The following SIMC1 variants were observed in gnomAD, a reference collection of about 807,000 sequenced individuals.
The protein encoded by SIMC1 is SUMO interacting motifs containing 1.
In SIMC1, 55 loss-of-function variants were observed where a neutral mutation model predicts 82.3. That is an observed-to-expected ratio of 0.67 (90% CI 0.54 to 0.84). The LOEUF (loss-of-function observed/expected upper bound fraction) is 0.84. SIMC1 is among the 40% of genes least tolerant of loss of function. The probability of loss-of-function intolerance (pLI) is 0.00; values close to 1 mark genes in which losing one functional copy is unlikely to be tolerated. For synonymous variants in SIMC1, 353 were observed against 426.3 expected, an observed-to-expected ratio of 0.83 and a Z score of 2.12; for missense variants, 915 against 1,107.2, an observed-to-expected ratio of 0.83 and a Z score of 2.46.
At chr5:176,261,328 G>A (rs557346073) in intron 1 of SIMC1, among the ~76,000 whole-genome samples, 1 of 152,276 alleles carries the variant, frequency 6.6e-6, no homozygotes, top group South Asian at 2.1e-4. Context: ...TTCAAATGAA[G>A]TTATGAATCA....
intron 4 of SIMC1, among the ~76,000 whole-genome samples, chr5:176,306,499 A>C (rs1486244668): frequency 2.7e-5 from 4 of 146,332 alleles, no homozygotes; most frequent in Non-Finnish European, 6.1e-5. Flanking sequence ...AAGATTGAGA[A>C]ATCGGATGGT....
chr5:176,264,919 A>G (rs7736390), intron 1 of SIMC1, among the ~76,000 whole-genome samples: 17,790 of 152,202 alleles, frequency 0.12, 1,101 homozygotes, highest in Admixed American at 0.15. Flanking sequence ...CTATAATCCC[A>G]GCACTTTGGG....
chr5:176,255,138 T>G (rs1761806011), intron 1 of SIMC1, among the ~76,000 whole-genome samples: 1 of 151,322 alleles, frequency 6.6e-6, no homozygotes, highest in Non-Finnish European at 1.5e-5. Flanking sequence ...TTAGCCAGCA[T>G]GGTGGTGGGC....
At chr5:176,265,678 C>T (rs1762180815) in intron 1 of SIMC1, among the ~76,000 whole-genome samples, 1 of 152,116 alleles carries the variant, frequency 6.6e-6, no homozygotes, top group Non-Finnish European at 1.5e-5. Context: ...CTGTGTTTCT[C>T]CTCCCTCTGG....
At position 176,322,370 on chromosome 5, in the gene SIMC1, G is replaced by A; in HGVS notation, c.1987G>A (p.Ala663Thr). The change falls in exon 6 of 10, where the codon GCC becomes ACC. Residue 663 changes from alanine to threonine, a missense_variant. Ala to Thr is a moderately conservative substitution (Grantham distance 58). Coordinates refer to ENST00000429602, the MANE Select transcript of SIMC1 (RefSeq NM_001308195.2). Reference sequence around the variant, plus strand: ...GTCTTCAGGAACAGGAATCTTGAAAGCCAGCAGTAGCCACCCTTCTTCCCA... The same window carrying A: ...GTCTTCAGGAACAGGAATCTTGAAAACCAGCAGTAGCCACCCTTCTTCCCA... ...QTSSGTGILK[A>T]SSSHPSSQPN... The A allele has an allele frequency of 6.2e-7, 1 of 1,606,698 alleles. No individual in the cohort carries two copies. The highest frequency in any genetic ancestry group is 8.5e-7 in the Non-Finnish European group (1 of 1,176,682).
intron 1 of SIMC1, among the ~76,000 whole-genome samples, chr5:176,258,560 G>T (rs1761920124): frequency 1.3e-5 from 2 of 150,670 alleles, no homozygotes; most frequent in African/African-American, 2.4e-5. Flanking sequence ...ACTCACGAGA[G>T]TTTTTTAATA....
intron 7 of SIMC1, among the ~76,000 whole-genome samples, chr5:176,333,260 C>T (rs1252135421): frequency 6.6e-6 from 1 of 151,866 alleles, no homozygotes; most frequent in African/African-American, 2.4e-5. Context: ...GCCAAGATTG[C>T]ACCACTGCAC....
At chr5:176,316,355 T>C (rs1249893283) in intron 5 of SIMC1, among the ~76,000 whole-genome samples, 1 of 151,776 alleles carries the variant, frequency 6.6e-6, no homozygotes, top group East Asian at 1.9e-4. Flanking sequence ...GTACGGGGTA[T>C]GACTCTTGGG....
chr5:176,342,578 C>T (rs571167185), intron 9 of SIMC1, among the ~76,000 whole-genome samples: 2 of 152,278 alleles, frequency 1.3e-5, no homozygotes, highest in South Asian at 2.1e-4. Flanking sequence ...CTTCTTGCTG[C>T]GTCTTACCAC....
intron 4 of SIMC1, among the ~76,000 whole-genome samples, chr5:176,309,238 A>C (rs1014529758): frequency 1.3e-5 from 2 of 152,238 alleles, no homozygotes; most frequent in Non-Finnish European, 2.9e-5. Flanking sequence ...TGCTCAACTG[A>C]TTTTGAAAAA....
At chr5:176,283,422 C>T (rs1046993618) in intron 1 of SIMC1, among the ~76,000 whole-genome samples, 10 of 152,146 alleles carry the variant, frequency 6.6e-5, no homozygotes, top group African/African-American at 1.9e-4. Context: ...TCCAGCCAAA[C>T]GAAGCTTCAT....
chr5:176,275,168 G>C (rs1188813971), intron 1 of SIMC1, among the ~76,000 whole-genome samples: 1 of 151,496 alleles, frequency 6.6e-6, no homozygotes, highest in Non-Finnish European at 1.5e-5. Flanking sequence ...GTGGTTTGTA[G>C]TTCTCCTTGA....
At chr5:176,329,716 GAGATAT>G (rs1765551858) in intron 7 of SIMC1, among the ~76,000 whole-genome samples, 2 of 152,076 alleles carry the variant, frequency 1.3e-5, no homozygotes, top group South Asian at 2.1e-4. Context: ...CTTTTTCGCA[GAGATAT>G]AGATATACAA....
At chr5:176,332,376 C>T (rs575824421) in intron 7 of SIMC1, among the ~76,000 whole-genome samples, 5 of 152,258 alleles carry the variant, frequency 3.3e-5, no homozygotes, top group South Asian at 2.1e-4. Flanking sequence ...CCACAACCTC[C>T]GCCTCCCGGG....
Position 176,266,113 on chromosome 5 carries a change from G to A in SIMC1, c.130-23541G>A, listed in dbSNP as rs1350626292. Among the ~76,000 whole-genome samples the A allele has an allele frequency of 2.6e-5, 4 of 152,126 alleles. No homozygotes were observed. In the East Asian group the frequency reaches 5.8e-4, roughly 22 times the overall value. On this transcript the variant is annotated intron_variant, in intron 1 of 9. Transcript: ENST00000429602. ...CAGTTAAAGTACTCTCTGAGGGCCC[G>A]GTGAGAAATCAGGCAGATACCAGAG...
At chr5:176,271,345 G>A (rs1312365546) in intron 1 of SIMC1, among the ~76,000 whole-genome samples, 3 of 152,056 alleles carry the variant, frequency 2.0e-5, no homozygotes, top group African/African-American at 7.2e-5. Flanking sequence ...GGGTGACAGA[G>A]CAAGGCTCTG....
chr5:176,252,483 G>A (rs1159204894), intron 1 of SIMC1, among the ~76,000 whole-genome samples: 23 of 148,500 alleles, frequency 1.5e-4, no homozygotes, highest in African/African-American at 2.7e-4. Flanking sequence ...GGGCAGAGGC[G>A]CTCCTCACAT....
At chr5:176,298,728 A>G (rs1246330044) in intron 4 of SIMC1, among the ~76,000 whole-genome samples, 1 of 152,240 alleles carries the variant, frequency 6.6e-6, no homozygotes, top group African/African-American at 2.4e-5. Flanking sequence ...AGGTTTTTGT[A>G]TGCAACTGAA....
intron 4 of SIMC1, 29 bp from the exon 5 acceptor site, chr5:176,313,662 A>C: frequency 6.2e-7 from 1 of 1,611,680 alleles, no homozygotes; most frequent in Non-Finnish European, 8.5e-7. Flanking sequence ...CTGAGAAGAA[A>C]GACTGACTTC....
Sources: gnomAD v4.1 joint callset for allele counts (sites outside exome capture counted in the v4.1 genomes callset) on GRCh38, gnomAD v4.1.1 for gene constraint, MANE v1.5 for transcripts, NCBI Gene and HGNC (gene_info 2026-07-23, HGNC 2026-07-21) for gene names.